The following CLVS1 variants were observed in gnomAD, a reference collection of about 807,000 sequenced individuals.
CLVS1 encodes clavesin-1.
Under a neutral mutation model 33.1 loss-of-function variants are expected in CLVS1, and 10 were observed. The ratio of observed to expected loss-of-function variants is 0.30; its 90% CI spans 0.19 to 0.51. The LOEUF is 0.51. Ranked by LOEUF, CLVS1 falls within the 20% of genes least tolerant of loss-of-function variation. The pLI is 0.97. For missense variants in CLVS1, 343 were observed against 433.4 expected, an observed-to-expected ratio of 0.79 and a Z score of 1.85; for synonymous variants, 163 against 166.1, an observed-to-expected ratio of 0.98 and a Z score of 0.14.
chr8:61,095,273 T>G (rs1805331651), intron 1 of CLVS1, among the ~76,000 whole-genome samples: 1 of 152,198 alleles, frequency 6.6e-6, no homozygotes, highest in Admixed American at 6.5e-5. Context: ...CTCTTGGTTT[T>G]TTAGGGGCAG....
chr8:61,170,061 A>G (rs1806961315), intron 2 of CLVS1, among the ~76,000 whole-genome samples: 1 of 152,188 alleles, frequency 6.6e-6, no homozygotes, highest in Admixed American at 6.5e-5. Flanking sequence ...TTTGACATAT[A>G]CATATATATA....
At chr8:60,984,698 A>G in the CLVS1 span, among the ~76,000 whole-genome samples, 1 of 152,176 alleles carries the variant, frequency 6.6e-6, no homozygotes, top group African/African-American at 2.4e-5. Context: ...AAGGTCAAAT[A>G]TGTGCCCAGC....
At position 61,363,856 on chromosome 8, in the gene CLVS1, TC is replaced by T. The variant is rs555385425; in HGVS notation, c.456-12748del. ...AGAGTCAGGGAGAGGGTGAGGCCACTCTTTAGTCTCTGTGACCTACCTGACT... is the reference window on the plus strand; with the variant it reads ...AGAGTCAGGGAGAGGGTGAGGCCACTTTTAGTCTCTGTGACCTACCTGACT... On this transcript the variant is annotated intron_variant, in intron 2 of 5. Transcript: ENST00000325897. Among the ~76,000 whole-genome samples, 289 of 152,266 alleles carry T rather than the reference TC, an allele frequency of 1.9e-3. 1 individual carries two copies. The highest frequency in any genetic ancestry group is 6.5e-3 in the African/African-American group (270 of 41,554).
chr8:61,493,961 T>C (rs995408541), intron 5 of CLVS1, among the ~76,000 whole-genome samples: 1 of 152,160 alleles, frequency 6.6e-6, no homozygotes, highest in Non-Finnish European at 1.5e-5. Context: ...TGTCCCTTTG[T>C]TGGGGTCCAC....
At chr8:61,320,940 C>T (rs183465881) in intron 2 of CLVS1, among the ~76,000 whole-genome samples, 54 of 152,156 alleles carry the variant, frequency 3.5e-4, no homozygotes, top group African/African-American at 1.3e-3. Context: ...GTTATGGATG[C>T]CATCATTTGT....
At chr8:61,411,066 G>A (rs1325802715) in intron 3 of CLVS1, among the ~76,000 whole-genome samples, 3 of 152,126 alleles carry the variant, frequency 2.0e-5, no homozygotes, top group Non-Finnish European at 4.4e-5. Context: ...ACATGTGGGG[G>A]ACCTATATCT....
At chr8:61,354,092 A>C (rs924815576) in intron 2 of CLVS1, among the ~76,000 whole-genome samples, 3 of 152,046 alleles carry the variant, frequency 2.0e-5, no homozygotes, top group South Asian at 2.1e-4. Context: ...TGAATTCATA[A>C]ATTTAAAACT....
intron 3 of CLVS1, among the ~76,000 whole-genome samples, chr8:61,400,101 T>C (rs765301634): frequency 9.9e-5 from 15 of 152,226 alleles, no homozygotes; most frequent in Non-Finnish European, 1.8e-4. Context: ...GGGTATAGTA[T>C]TGAATCTATA....
intron 2 of CLVS1, among the ~76,000 whole-genome samples, chr8:61,323,824 A>G (rs187643737): frequency 9.2e-5 from 14 of 152,094 alleles, no homozygotes; most frequent in Admixed American, 2.6e-4. Context: ...CCACTCTCCA[A>G]TAGTCCCTAG....
intron 2 of CLVS1, among the ~76,000 whole-genome samples, chr8:61,259,981 GC>G (rs1288906905): frequency 6.6e-6 from 1 of 152,160 alleles, no homozygotes; most frequent in Non-Finnish European, 1.5e-5. Context: ...TAACTCCAGA[GC>G]CCGCTGATTG....
chr8:61,386,275 A>G (rs1585896569), intron 3 of CLVS1, among the ~76,000 whole-genome samples: 1 of 152,230 alleles, frequency 6.6e-6, no homozygotes, highest in Non-Finnish European at 1.5e-5. Flanking sequence ...ACAAATTCCC[A>G]GATGATGCTG....
At chr8:61,160,475 A>G (rs1806730932) in intron 2 of CLVS1, among the ~76,000 whole-genome samples, 1 of 152,204 alleles carries the variant, frequency 6.6e-6, no homozygotes, top group Admixed American at 6.5e-5. Context: ...GGGAACTTGC[A>G]GTCAAGACTG....
At position 61,172,299 on chromosome 8, in the gene CLVS1, A is replaced by G. The variant is rs1807018282; in HGVS notation, c.-152+40439A>G. The stretch of plus-strand genomic sequence containing the variant: ...GCCAAGTAGGAAACATCAAAAGAAG[A>G]CTTTATTTGGGGGAAAGGTCCTTAG... On this transcript the variant is annotated intron_variant, in intron 2 of 2. Coordinates refer to the CLVS1 transcript ENST00000522621. Among the ~76,000 whole-genome samples, 5 of 147,308 alleles carry G rather than the reference A, an allele frequency of 3.4e-5. No homozygotes were observed. In the Admixed American group the frequency reaches 3.5e-4, roughly 10 times the overall value.
intron 2 of CLVS1, among the ~76,000 whole-genome samples, chr8:61,368,184 G>T (rs1381630567): frequency 1.3e-5 from 2 of 152,224 alleles, no homozygotes; most frequent in Non-Finnish European, 2.9e-5. Context: ...TAAATGGTGA[G>T]TTATTGCACA....
chr8:61,339,940 AAG>A (rs748560073), intron 2 of CLVS1, among the ~76,000 whole-genome samples: 5 of 151,660 alleles, frequency 3.3e-5, no homozygotes, highest in African/African-American at 7.3e-5. Flanking sequence ...AGATAAAAGA[AAG>A]AGAGGGGTAA....
intron 2 of CLVS1, among the ~76,000 whole-genome samples, chr8:61,154,807 T>G (rs1315674842): frequency 6.6e-6 from 1 of 152,226 alleles, no homozygotes; most frequent in Non-Finnish European, 1.5e-5. Context: ...ATTCATAGCA[T>G]AGAGTCAACA....
chr8:61,402,159 A>G (rs1814794978), intron 3 of CLVS1, among the ~76,000 whole-genome samples: 1 of 152,146 alleles, frequency 6.6e-6, no homozygotes, highest in Non-Finnish European at 1.5e-5. Context: ...TACTGACACA[A>G]TTCTAAAATT....
the CLVS1 span, among the ~76,000 whole-genome samples, chr8:61,005,087 T>C: frequency 6.6e-6 from 1 of 152,224 alleles, no homozygotes; most frequent in East Asian, 1.9e-4. Context: ...GCCAGCCTTA[T>C]TATTTAGAAA....
At chr8:61,006,612 A>G in the CLVS1 span, among the ~76,000 whole-genome samples, 1 of 152,364 alleles carries the variant, frequency 6.6e-6, no homozygotes, top group African/African-American at 2.4e-5. Context: ...CAGAAATGCT[A>G]ACGTGCAATG....
Sources: gnomAD v4.1 joint callset for allele counts (sites outside exome capture counted in the v4.1 genomes callset) on GRCh38, gnomAD v4.1.1 for gene constraint, MANE v1.5 for transcripts, NCBI Gene and HGNC (gene_info 2026-07-23, HGNC 2026-07-21) for gene names.